Variants in TMEM132D observed in about 807,000 individuals in gnomAD.
The protein encoded by TMEM132D is mature OL transmembrane protein.
TMEM132D carries 21 observed loss-of-function variants against 62.3 expected under a neutral mutation model. That is an observed-to-expected ratio of 0.34 (90% CI 0.24 to 0.49). The LOEUF (loss-of-function observed/expected upper bound fraction) is 0.49. Among genes scored for constraint, TMEM132D ranks in the 20% least tolerant of loss-of-function variants. TMEM132D has a pLI of 0.99. For synonymous variants in TMEM132D, 621 were observed against 575.6 expected (o/e 1.08, Z -1.13); for missense variants, 1,346 against 1,402.8 (o/e 0.96, Z 0.65).
rs183555179 is a variant in TMEM132D at position 129,214,860 on chromosome 12, T to C, written c.1300-5197A>G. On this transcript the variant is annotated intron_variant, in intron 4 of 8. Transcript: ENST00000422113. The stretch of plus-strand genomic sequence containing the variant: ...AAAGGGAATACTTATATACTGTGGG[T>C]AGGAGTGTAAATTAGTTCAACCTTT... 4.5e-3 allele frequency among the ~76,000 whole-genome samples: 687 copies of C among 152,258 alleles called. 11 individuals carry two copies. Among genetic ancestry groups the C allele is most frequent in the Admixed American group, 0.039 (600 of 15,286 alleles).
intron 3 of TMEM132D, among the ~76,000 whole-genome samples, chr12:129,516,594 C>T (rs1875690771): frequency 6.6e-6 from 1 of 152,060 alleles, no homozygotes; most frequent in Non-Finnish European, 1.5e-5. Context: ...GGAAACTGCC[C>T]CCATGATTCC....
chr12:129,605,761 C>T (rs1277296169), intron 2 of TMEM132D, among the ~76,000 whole-genome samples: 1 of 151,614 alleles, frequency 6.6e-6, no homozygotes. Context: ...AATAAACTGG[C>T]AATGGCGTTT....
Position 129,903,113 on chromosome 12 carries a change from A to C in TMEM132D, c.79+148T>G. ...TTGGCTGCCGCACGAGCGCACGTTC[A>C]CACGCGCGCACACACACATGCACAC... On this transcript the variant is annotated intron_variant, in intron 1 of 8. Coordinates refer to ENST00000422113, the MANE Select transcript of TMEM132D (RefSeq NM_133448.3). This position sits in a 1 kb window ranked among gnomAD's most constrained non-coding sequence, Gnocchi z 6.2. The C allele has an allele frequency of 1.2e-6, 1 of 863,124 alleles. No individual in the cohort carries two copies. The highest frequency in any genetic ancestry group is 1.8e-6 in the Non-Finnish European group (1 of 557,300). The allele number at this position is 863,124 out of a possible 1,614,324, so 53.5% of individuals were successfully genotyped here. A position where few individuals can be genotyped will look rare whatever the true frequency, so the allele number is the denominator to read the frequency against.
chr12:129,127,282 G>C (rs752577491), intron 5 of TMEM132D, among the ~76,000 whole-genome samples: 2 of 152,140 alleles, frequency 1.3e-5, no homozygotes, highest in Non-Finnish European at 2.9e-5. Context: ...CGCACATTGT[G>C]GAACATTGCG....
intron 3 of TMEM132D, among the ~76,000 whole-genome samples, chr12:129,361,997 T>C (rs925095112): frequency 6.6e-6 from 1 of 152,202 alleles, no homozygotes; most frequent in African/African-American, 2.4e-5. Context: ...CGATCTTGTT[T>C]ACTTATTTAT....
intron 1 of TMEM132D, among the ~76,000 whole-genome samples, chr12:129,715,999 G>A (rs151002637): frequency 2.6e-5 from 4 of 152,292 alleles, no homozygotes; most frequent in Admixed American, 6.5e-5. Context: ...GGCTGTAGAC[G>A]ATCAACCTAA....
intron 2 of TMEM132D, among the ~76,000 whole-genome samples, chr12:129,570,272 A>T (rs1263293382): frequency 6.6e-6 from 1 of 152,198 alleles, no homozygotes; most frequent in East Asian, 1.9e-4. Flanking sequence ...CCATAGCTCA[A>T]TAAGGCTCTA....
intron 3 of TMEM132D, among the ~76,000 whole-genome samples, chr12:129,422,850 A>G (rs1171913934): frequency 6.7e-6 from 1 of 149,384 alleles, no homozygotes; most frequent in East Asian, 1.9e-4. Context: ...AAAGAATTCA[A>G]TCTTTCTCTA....
At chr12:129,586,985 T>C (rs1377439773) in intron 2 of TMEM132D, among the ~76,000 whole-genome samples, 1 of 152,164 alleles carries the variant, frequency 6.6e-6, no homozygotes, top group Non-Finnish European at 1.5e-5. Flanking sequence ...CACAGTAGGA[T>C]ATAGGTGTAA....
chr12:129,149,206 G>A (rs1423218347), intron 5 of TMEM132D, among the ~76,000 whole-genome samples: 2 of 150,276 alleles, frequency 1.3e-5, no homozygotes, highest in African/African-American at 2.4e-5. Context: ...GGAGGGGAAC[G>A]TCACACACCA....
intron 1 of TMEM132D, among the ~76,000 whole-genome samples, chr12:129,810,572 A>ACC (rs60005433): frequency 1.6e-5 from 2 of 123,170 alleles, no homozygotes; most frequent in African/African-American, 6.3e-5. Flanking sequence ...ACACACACAC[A>ACC]CCCCCCCACA....
chr12:129,127,764 G>A (rs117548396), intron 5 of TMEM132D, among the ~76,000 whole-genome samples: 2,504 of 152,092 alleles, frequency 0.016, 25 homozygotes, highest in Middle Eastern at 0.031. Flanking sequence ...CTGTCTGACC[G>A]AGGAGCAGAG....
At chr12:129,335,158 G>T (rs796255460) in intron 4 of TMEM132D, among the ~76,000 whole-genome samples, 10 of 143,930 alleles carry the variant, frequency 6.9e-5, no homozygotes, top group South Asian at 2.3e-4. Context: ...TTGAGGCAGG[G>T]TCTCACCCTG....
intron 3 of TMEM132D, among the ~76,000 whole-genome samples, chr12:129,505,799 C>T (rs1213919366): frequency 2.0e-5 from 3 of 152,152 alleles, no homozygotes; most frequent in South Asian, 4.1e-4. Context: ...TTTTAAACTG[C>T]TGTTGCTTTA....
At chr12:129,649,422 G>A (rs961408122) in intron 2 of TMEM132D, among the ~76,000 whole-genome samples, 2 of 152,064 alleles carry the variant, frequency 1.3e-5, no homozygotes, top group African/African-American at 4.8e-5. Flanking sequence ...CCCACACAGG[G>A]TAAAATACGG....
At chr12:129,766,467 A>G (rs1430956569) in intron 1 of TMEM132D, among the ~76,000 whole-genome samples, 1 of 152,176 alleles carries the variant, frequency 6.6e-6, no homozygotes, top group Non-Finnish European at 1.5e-5. Context: ...ATCAGAATCT[A>G]TCACCCCAAA....
intron 5 of TMEM132D, among the ~76,000 whole-genome samples, chr12:129,204,379 C>T (rs1275254005): frequency 1.3e-5 from 2 of 152,080 alleles, no homozygotes; most frequent in African/African-American, 4.8e-5. Flanking sequence ...TTAAATAATG[C>T]AATTGCAAGT....
chr12:129,473,324 G>GTTTTTT (rs751523415), intron 3 of TMEM132D, among the ~76,000 whole-genome samples: 903 of 81,354 alleles, frequency 0.011, 27 homozygotes, highest in East Asian at 0.023. Flanking sequence ...TTTAGTTTTT[G>GTTTTTT]TTTTTTTTTT....
chr12:129,686,386 C>T (rs190453209), intron 2 of TMEM132D, among the ~76,000 whole-genome samples: 57 of 152,172 alleles, frequency 3.7e-4, no homozygotes, highest in African/African-American at 1.1e-3. Flanking sequence ...GGGGCTTTTC[C>T]CCTTTGCTCA....
Sources: gnomAD v4.1 joint callset for allele counts (sites outside exome capture counted in the v4.1 genomes callset) on GRCh38, gnomAD v4.1.1 for gene constraint, Gnocchi (gnomAD v3.1) non-coding constraint, MANE v1.5 for transcripts, NCBI Gene and HGNC (gene_info 2026-07-23, HGNC 2026-07-21) for gene names.